PTGES3: variants seen among roughly 807,000 people sequenced by gnomAD.
PTGES3 encodes Hsp90 co-chaperone.
PTGES3 carries 5 observed loss-of-function variants against 29.9 expected under a neutral mutation model. The observed-to-expected ratio is 0.17, with a 90% CI of 0.09 to 0.35. PTGES3 has a LOEUF of 0.35. PTGES3 is among the 10% of genes least tolerant of loss of function. The probability of loss-of-function intolerance (pLI) is 1.00; values close to 1 mark genes in which losing one functional copy is unlikely to be tolerated. For synonymous variants in PTGES3, 49 were observed against 57.8 expected (o/e 0.85, Z 0.69); for missense variants, 128 against 190.0 (o/e 0.67, Z 1.92).
In PTGES3 at chr12:56,671,735, A is replaced by G. The variant is rs745969392; in HGVS notation, c.285+14T>C. On this transcript the variant is annotated intron_variant, in intron 4 of 7. Coordinates refer to ENST00000262033, the MANE Select transcript of PTGES3 (RefSeq NM_006601.7). ...AAAATATCAAACTTTTCAAAAAAGG[A>G]AAATGAAACCTACCTTTGCCCTTTC... The G allele has an allele frequency of 2.0e-6, 3 of 1,479,010 alleles. No individual in the cohort carries two copies. Among genetic ancestry groups the G allele is most frequent in the East Asian group, 2.4e-5 (1 of 41,700 alleles). 91.6% of individuals were successfully genotyped at this position (1,479,010 alleles called of 1,614,324 possible).
chr12:56,672,283 C>T (rs1952035111), intron 3 of PTGES3, among the ~76,000 whole-genome samples: 2 of 152,264 alleles, frequency 1.3e-5, no homozygotes, highest in Middle Eastern at 3.4e-3. Flanking sequence ...GCAGGTGGAA[C>T]ACCTGAGGTC....
At chr12:56,682,485 C>G (rs1182774174) in intron 1 of PTGES3, among the ~76,000 whole-genome samples, 1 of 151,812 alleles carries the variant, frequency 6.6e-6, no homozygotes. Context: ...GGCTTGATCC[C>G]AAGTTTGAGG....
At chr12:56,670,128 A>T in intron 5 of PTGES3, 147 bp downstream of exon 5, 2 of 585,606 alleles carry the variant, frequency 3.4e-6, no homozygotes, top group Non-Finnish European at 6.2e-6. Context: ...CATTGTTAAC[A>T]TCTATTTACT....
intron 3 of PTGES3, 68 bp downstream of exon 3, chr12:56,672,672 A>G (rs945995890): frequency 1.8e-5 from 26 of 1,469,186 alleles, no homozygotes; most frequent in Non-Finnish European, 2.4e-5. Flanking sequence ...GCTCATTGCT[A>G]AAAAGAATAC....
rs190822393 is a variant in PTGES3, at chr12:56,664,951, A to G, written c.439-151T>C. Reference sequence around the variant, plus strand: ...CCTAGAAATTTAGTCATTGGACTTGACTAGGTTTACCTAAGGTGAATGGAT... The same window carrying G: ...CCTAGAAATTTAGTCATTGGACTTGGCTAGGTTTACCTAAGGTGAATGGAT... On this transcript the variant is annotated intron_variant, in intron 6 of 7. Transcript: ENST00000262033. 133 of 1,407,656 alleles carry G rather than the reference A, an allele frequency of 9.4e-5. No individual in the cohort carries two copies. The African/African-American group carries it at 1.7e-3, about 18-fold the overall frequency. The allele number at this position is 1,407,656 out of a possible 1,614,324, so 87.2% of individuals were successfully genotyped here. A position where few individuals can be genotyped will look rare whatever the true frequency, so the allele number is the denominator to read the frequency against.
chr12:56,686,002 C>G (rs1250436541), intron 1 of PTGES3, among the ~76,000 whole-genome samples: 1 of 151,958 alleles, frequency 6.6e-6, no homozygotes, highest in Non-Finnish European at 1.5e-5. Flanking sequence ...GTCTCTAACT[C>G]CTGACCTCGT....
intron 5 of PTGES3, among the ~76,000 whole-genome samples, chr12:56,669,758 C>T (rs1468066871): frequency 3.9e-5 from 6 of 151,916 alleles, no homozygotes; most frequent in South Asian, 4.1e-4. Flanking sequence ...CACAGGTGCG[C>T]GCCACCATGC....
rs745818704 is a variant in PTGES3 at position 56,672,817 on chromosome 12, AAAT to A, written c.117-11_117-9del. On this transcript the variant is annotated splice_polypyrimidine_tract_variant and intron_variant, in intron 2 of 7. Transcript: ENST00000262033. The stretch of plus-strand genomic sequence containing the variant: ...TCACTTCCTCCGAGACAACTGTATA[AAAT>A]AATAAAGAAAGAATTAAGCCTCTTC... 16 of 1,574,968 alleles carry A rather than the reference AAAT, an allele frequency of 1.0e-5. No homozygotes were observed. The South Asian group carries it at 1.1e-4, about 10-fold the overall frequency.
intron 1 of PTGES3, chr12:56,687,430 C>T: frequency 3.0e-6 from 3 of 987,770 alleles, no homozygotes; most frequent in Non-Finnish European, 3.6e-6. Context: ...ACTCAAGAAA[C>T]CCAGACACTG....
At chr12:56,670,158 AAAAAT>A (rs1227206540) in intron 5 of PTGES3, 112 bp downstream of exon 5, 3 of 664,982 alleles carry the variant, frequency 4.5e-6, no homozygotes, top group African/African-American at 1.8e-5. Flanking sequence ...AAATGGTCTT[AAAAAT>A]AAAATAACAT....
rs1228523340 is a variant in PTGES3 at position 56,665,709 on chromosome 12, T to C, written c.438+495A>G. 8.8e-6 allele frequency: 8 copies of C among 908,196 alleles called. No individual in the cohort carries two copies. The South Asian group carries it at 4.1e-4, about 46-fold the overall frequency. The allele number at this position is 908,196 out of a possible 1,614,324, so 56.3% of individuals were successfully genotyped here. On this transcript the variant is annotated intron_variant, in intron 6 of 7. Transcript: ENST00000262033. Reference sequence around the variant, plus strand: ...CACACTGGAGTGCAATGGTGTGATCTTGGCTCACTGCAACCTCCGCCTCCC... The same window carrying C: ...CACACTGGAGTGCAATGGTGTGATCCTGGCTCACTGCAACCTCCGCCTCCC...
rs1159553319 is a variant in PTGES3, at chr12:56,664,276, G to A, written c.*203C>T. 2.0e-6 allele frequency: 1 copy of A among 512,354 alleles called. No individual in the cohort carries two copies. The highest frequency in any genetic ancestry group is 3.5e-6 in the Non-Finnish European group (1 of 284,238). 31.7% of individuals were successfully genotyped at this position (512,354 alleles called of 1,614,324 possible). A position where few individuals can be genotyped will look rare whatever the true frequency, so the allele number is the denominator to read the frequency against. ...GTTCATGCATAAGGTTATTGCCTTA[G>A]CTGACTTAAAATTGCCCCATACAAT... On this transcript the variant is annotated 3_prime_UTR_variant, in exon 8 of 8. Coordinates refer to ENST00000262033, the MANE Select transcript of PTGES3 (RefSeq NM_006601.7).
Position 56,685,176 on chromosome 12 carries a change from C to T in PTGES3, c.2+2822G>A, listed in dbSNP as rs1439559281. The stretch of plus-strand genomic sequence containing the variant: ...CAGCCAGATTCTTAAGACTGGATGA[C>T]GACCCATTAAAGGCTTCTTCCACTT... On this transcript the variant is annotated intron_variant, in intron 1 of 7. Coordinates refer to ENST00000262033, the MANE Select transcript of PTGES3 (RefSeq NM_006601.7). Among the ~76,000 whole-genome samples, 6 of 152,238 alleles carry T rather than the reference C, an allele frequency of 3.9e-5. No homozygotes were observed. In the East Asian group the frequency reaches 5.8e-4, roughly 15 times the overall value.
intron 1 of PTGES3, among the ~76,000 whole-genome samples, chr12:56,680,982 G>A (rs1592275103): frequency 1.3e-5 from 2 of 151,958 alleles, no homozygotes; most frequent in African/African-American, 4.8e-5. Context: ...TTGTTGCCCA[G>A]GCTGGTCTCA....
At chr12:56,679,661 C>T (rs1005951301) in intron 1 of PTGES3, among the ~76,000 whole-genome samples, 1 of 152,024 alleles carries the variant, frequency 6.6e-6, no homozygotes, top group Non-Finnish European at 1.5e-5. Context: ...GCCCCCTCTC[C>T]ATATGTTTTG....
rs1253397754 is a variant in PTGES3, at chr12:56,664,104, T to G, written c.*375A>C. The stretch of plus-strand genomic sequence containing the variant: ...GAATCCATGTTCTATAATCTAAAAT[T>G]TATTCTCTTTCCCTAAGCTGAGAGC... On this transcript the variant is annotated 3_prime_UTR_variant, in exon 8 of 8. Coordinates refer to ENST00000262033, the MANE Select transcript of PTGES3 (RefSeq NM_006601.7). The G allele has an allele frequency of 5.9e-6, 1 of 169,034 alleles. No individual in the cohort carries two copies. Among genetic ancestry groups the G allele is most frequent in the Non-Finnish European group, 1.3e-5 (1 of 79,200 alleles). 10.5% of individuals were successfully genotyped at this position (169,034 alleles called of 1,614,324 possible). A position where few individuals can be genotyped will look rare whatever the true frequency, so the allele number is the denominator to read the frequency against.
At chr12:56,671,677 A>C (rs539351752) in intron 4 of PTGES3, 72 bp downstream of exon 4, 1 of 987,000 alleles carries the variant, frequency 1.0e-6, no homozygotes, top group East Asian at 2.6e-5. Context: ...TATTCCTTAC[A>C]TCAAATAAGT....
intron 1 of PTGES3, among the ~76,000 whole-genome samples, chr12:56,684,026 A>C (rs1952709075): frequency 3.3e-5 from 5 of 152,178 alleles, no homozygotes; most frequent in Admixed American, 2.6e-4. Flanking sequence ...CCACACAGTA[A>C]ATAGTAAAAA....
At chr12:56,687,025 AAAAAAC>A in intron 1 of PTGES3, 1 of 388,952 alleles carries the variant, frequency 2.6e-6, no homozygotes, top group East Asian at 4.0e-5. Flanking sequence ...AAAAAAAAAA[AAAAAAC>A]CCTGTAAAAC....
Sources: allele counts gnomAD v4.1 joint callset (sites outside exome capture counted in the v4.1 genomes callset), GRCh38; gene constraint gnomAD v4.1.1; transcripts MANE v1.5; gene names NCBI Gene and HGNC (gene_info 2026-07-23, HGNC 2026-07-21).